The following SHISAL1 variants were observed in gnomAD, a reference collection of about 807,000 sequenced individuals.
SHISAL1 encodes shisa like 1.
In SHISAL1, 9 loss-of-function variants were observed where a neutral mutation model predicts 22.6. The ratio of observed to expected loss-of-function variants is 0.40; its 90% CI spans 0.24 to 0.70. The LOEUF (loss-of-function observed/expected upper bound fraction) is 0.70, where lower values mean the gene tolerates loss of function less well. Ranked by LOEUF, SHISAL1 falls within the 30% of genes least tolerant of loss-of-function variation. The pLI is 0.39. For synonymous variants in SHISAL1, 119 were observed against 115.4 expected, an observed-to-expected ratio of 1.03 and a Z score of -0.20; for missense variants, 246 against 270.6, an observed-to-expected ratio of 0.91 and a Z score of 0.64.
chr22:44,331,674 C>T, the SHISAL1 span, among the ~76,000 whole-genome samples: 223 of 148,400 alleles, frequency 1.5e-3, no homozygotes, highest in African/African-American at 5.2e-3. The surrounding 1 kb of genome is among the most constrained non-coding windows in gnomAD (Gnocchi z 5.2). Context: ...GATCGGCGCT[C>T]GGAAGGCGCC....
At chr22:44,311,283 G>A (rs2055516364) in intron 1 of SHISAL1, among the ~76,000 whole-genome samples, 1 of 152,194 alleles carries the variant, frequency 6.6e-6, no homozygotes, top group African/African-American at 2.4e-5. Context: ...ACGAGGAGAA[G>A]CACACTGCCA....
chr22:44,274,704 G>A (rs1165318401), intron 4 of SHISAL1, among the ~76,000 whole-genome samples: 1 of 152,176 alleles, frequency 6.6e-6, no homozygotes, highest in African/African-American at 2.4e-5. Context: ...AAATCAGAAG[G>A]CACATCATCA....
chr22:44,251,418 T>C (rs1486639288), intron 4 of SHISAL1, among the ~76,000 whole-genome samples: 2 of 152,212 alleles, frequency 1.3e-5, no homozygotes, highest in Non-Finnish European at 2.9e-5. Flanking sequence ...TCAAGAATGA[T>C]TCAGAAAGGT....
At chr22:44,266,278 G>C (rs578019717) in intron 4 of SHISAL1, among the ~76,000 whole-genome samples, 1 of 152,330 alleles carries the variant, frequency 6.6e-6, no homozygotes, top group Non-Finnish European at 1.5e-5. Context: ...TCAAAGCAGG[G>C]CTGCGGAGAT....
intron 4 of SHISAL1, among the ~76,000 whole-genome samples, chr22:44,269,458 G>C (rs2055190192): frequency 9.1e-6 from 1 of 109,782 alleles, no homozygotes; most frequent in Admixed American, 9.3e-5. Context: ...ATGCCACACA[G>C]ACGCCCACAA....
the SHISAL1 span, among the ~76,000 whole-genome samples, chr22:44,323,839 G>GT: frequency 1.5e-3 from 235 of 152,336 alleles, 1 homozygote; most frequent in African/African-American, 5.2e-3. Flanking sequence ...CCTCCTTGGT[G>GT]TTTCTGCTTT....
chr22:44,323,952 T>C, the SHISAL1 span, among the ~76,000 whole-genome samples: 2 of 152,204 alleles, frequency 1.3e-5, no homozygotes, highest in African/African-American at 4.8e-5. Flanking sequence ...GTTTAATTCC[T>C]GAAGAGGTGG....
rs2055021645 is a variant in SHISAL1, at chr22:44,248,367, A to AGGGCCTCCCGAG, written c.*1317_*1318insCTCGGGAGGCCC. On this transcript the variant is annotated 3_prime_UTR_variant, in exon 5 of 5. Transcript: ENST00000381176. ...CTGGGGGAGATTTGGTATCACTAAC[A>AGGGCCTCCCGAG]CCCATGGAATGAGTGTGTCTACACT... 1 of 152,090 alleles carries AGGGCCTCCCGAG rather than the reference A, an allele frequency of 6.6e-6. No individual in the cohort carries two copies. The highest frequency in any genetic ancestry group is 6.5e-5 in the Admixed American group (1 of 15,278). 9.4% of individuals were successfully genotyped at this position (152,090 alleles called of 1,614,324 possible). A position where few individuals can be genotyped will look rare whatever the true frequency, so the allele number is the denominator to read the frequency against.
chr22:44,296,408 C>T (rs1186829623), intron 3 of SHISAL1, among the ~76,000 whole-genome samples: 1 of 138,596 alleles, frequency 7.2e-6, no homozygotes, highest in Non-Finnish European at 1.7e-5. Context: ...GATCCACCCA[C>T]CTCATTCTCC....
intron 4 of SHISAL1, among the ~76,000 whole-genome samples, chr22:44,278,151 C>A (rs12484884): frequency 6.6e-6 from 1 of 152,088 alleles, no homozygotes; most frequent in South Asian, 2.1e-4. Flanking sequence ...CAGCTGCCAG[C>A]GTGGCCTGAA....
chr22:44,326,342 G>A, the SHISAL1 span, among the ~76,000 whole-genome samples: 1 of 152,156 alleles, frequency 6.6e-6, no homozygotes, highest in African/African-American at 2.4e-5. Context: ...TGGCACGGGA[G>A]ACAAACTTTC....
chr22:44,315,030 C>T (rs187140705), upstream of SHISAL1, among the ~76,000 whole-genome samples: 22 of 152,182 alleles, frequency 1.4e-4, no homozygotes, highest in African/African-American at 4.6e-4. Context: ...TACAGCGGGA[C>T]GTGGGGTGAA....
chr22:44,266,442 TTGTGTGTGTGGGGC>T (rs1383810880), intron 4 of SHISAL1, among the ~76,000 whole-genome samples: 2 of 104,252 alleles, frequency 1.9e-5, no homozygotes, highest in South Asian at 3.5e-4. Flanking sequence ...TGTTGGGGGG[TTGTGTGTGTGGGGC>T]TGTGTGTGTG....
chr22:44,329,551 G>A, the SHISAL1 span, among the ~76,000 whole-genome samples: 3 of 152,180 alleles, frequency 2.0e-5, no homozygotes, highest in Admixed American at 6.5e-5. Context: ...GGAACGCAGC[G>A]TGAAGATGAC....
intron 4 of SHISAL1, among the ~76,000 whole-genome samples, chr22:44,280,233 T>A (rs2147286703): frequency 1.3e-5 from 2 of 152,220 alleles, no homozygotes; most frequent in Middle Eastern, 6.8e-3. Context: ...AAGGCTGGGT[T>A]GGAAGGCATG....
chr22:44,328,996 A>T, the SHISAL1 span, among the ~76,000 whole-genome samples: 1 of 152,114 alleles, frequency 6.6e-6, no homozygotes, highest in Non-Finnish European at 1.5e-5. Flanking sequence ...CACGCCTGTC[A>T]TTCTGGACCA....
intron 4 of SHISAL1, among the ~76,000 whole-genome samples, chr22:44,283,133 G>A (rs1007590701): frequency 6.6e-6 from 1 of 152,240 alleles, no homozygotes; most frequent in African/African-American, 2.4e-5. Context: ...AGAGCACAGC[G>A]GGAGTGGGAC....
upstream of SHISAL1, among the ~76,000 whole-genome samples, chr22:44,313,917 T>C (rs529549886): frequency 3.9e-5 from 6 of 152,300 alleles, 1 homozygote; most frequent in South Asian, 8.3e-4. Flanking sequence ...GCCCCTCATC[T>C]AACCACGGTC....
rs766947044 is a variant in SHISAL1, at chr22:44,285,413, A to G, written c.599+15T>C. The stretch of plus-strand genomic sequence containing the variant: ...ATGACCCAAATCATTCTGGGTCTCA[A>G]TTGTAGCCACTCACCAGGCAGACGA... On this transcript the variant is annotated intron_variant, in intron 4 of 4. Transcript: ENST00000381176. 6.2e-7 allele frequency: 1 copy of G among 1,613,506 alleles called. No homozygotes were observed. Among genetic ancestry groups the G allele is most frequent in the Non-Finnish European group, 8.5e-7 (1 of 1,179,544 alleles).
Sources: gnomAD v4.1 joint callset for allele counts (sites outside exome capture counted in the v4.1 genomes callset) on GRCh38, gnomAD v4.1.1 for gene constraint, Gnocchi (gnomAD v3.1) non-coding constraint, MANE v1.5 for transcripts, NCBI Gene and HGNC (gene_info 2026-07-23, HGNC 2026-07-21) for gene names.